The following LUZP1 variants were observed in gnomAD, a reference collection of about 807,000 sequenced individuals.
LUZP1 encodes the protein leucine zipper protein 1, also known as filamin mechanobinding actin cross-linking protein.
In LUZP1, 25 loss-of-function variants were observed where a neutral mutation model predicts 71.3. The observed-to-expected ratio is 0.35, with a 90% CI of 0.26 to 0.49. The LOEUF (loss-of-function observed/expected upper bound fraction) is 0.49, where lower values mean the gene tolerates loss of function less well. Ranked by LOEUF, LUZP1 falls within the 20% of genes least tolerant of loss-of-function variation. The pLI is 0.99. For synonymous variants in LUZP1, 481 were observed against 506.4 expected, an observed-to-expected ratio of 0.95 and a Z score of 0.67; for missense variants, 1,142 against 1,300.8, an observed-to-expected ratio of 0.88 and a Z score of 1.88.
At chr1:23,090,938 T>C (rs1490249377) in intron 4 of LUZP1, 3 of 718,458 alleles carry the variant, frequency 4.2e-6, no homozygotes, top group Non-Finnish European at 7.8e-6. Context: ...TTCCTTTTTA[T>C]GTCACCTTCA....
rs373107739 is a variant in LUZP1 at position 23,100,549 on chromosome 1, C to T, written c.-119-6169G>A. On this transcript the variant is annotated intron_variant, in intron 3 of 4. Transcript: ENST00000302291. ...TCACAGGATGTTCAGCTCTAGTTAT[C>T]GGACCAAATGTTGGAGAAGTAGTAG... Among the ~76,000 whole-genome samples the T allele has an allele frequency of 3.2e-4, 49 of 152,314 alleles. 1 individual carries two copies. In the South Asian group the frequency reaches 8.3e-3, roughly 26 times the overall value.
chr1:23,171,781 C>T (rs908408303), intron 1 of LUZP1, among the ~76,000 whole-genome samples: 7 of 152,192 alleles, frequency 4.6e-5, no homozygotes, highest in African/African-American at 1.4e-4. Flanking sequence ...AAGGAAGGGC[C>T]TTTACTGAGT....
exon 4 of LUZP1, chr1:23,092,810 G>GTGCTGC (rs1487503922): frequency 3.1e-6 from 5 of 1,613,830 alleles, no homozygotes; most frequent in Non-Finnish European, 4.2e-6. Context: ...ACGCTTTACT[G>GTGCTGC]TGCTCCTGAG....
chr1:23,112,750 A>T (rs1292738792), intron 2 of LUZP1, among the ~76,000 whole-genome samples: 1 of 152,212 alleles, frequency 6.6e-6, no homozygotes, highest in Non-Finnish European at 1.5e-5. Context: ...TTCCAATCAA[A>T]AAACAAACCC....
intron 2 of LUZP1, among the ~76,000 whole-genome samples, chr1:23,121,008 C>T (rs2124666457): frequency 6.6e-6 from 1 of 152,296 alleles, no homozygotes; most frequent in Non-Finnish European, 1.5e-5. Flanking sequence ...AAATCAGTTA[C>T]CCAGAGTATT....
intron 3 of LUZP1, among the ~76,000 whole-genome samples, chr1:23,105,213 A>G (rs772378028): frequency 4.6e-5 from 7 of 152,192 alleles, no homozygotes; most frequent in Non-Finnish European, 8.8e-5. Context: ...GCAATGGGGT[A>G]AAAGGGTGGG....
chr1:23,155,142 A>G (rs1049152021), intron 2 of LUZP1, among the ~76,000 whole-genome samples: 1 of 152,218 alleles, frequency 6.6e-6, no homozygotes, highest in African/African-American at 2.4e-5. Context: ...TTCCTGATTT[A>G]AATCTACCAG....
At chr1:23,122,725 C>T (rs1644140235) in intron 2 of LUZP1, among the ~76,000 whole-genome samples, 1 of 152,170 alleles carries the variant, frequency 6.6e-6, no homozygotes, top group African/African-American at 2.4e-5. Flanking sequence ...GTATTTCTGC[C>T]CTGCCAGCAA....
chr1:23,155,351 T>G (rs1644413451), intron 2 of LUZP1, among the ~76,000 whole-genome samples: 1 of 152,230 alleles, frequency 6.6e-6, no homozygotes, highest in African/African-American at 2.4e-5. Context: ...TACAGGGCAG[T>G]ACACAGTTCA....
chr1:23,124,120 A>G (rs1335499514), intron 2 of LUZP1, among the ~76,000 whole-genome samples: 1 of 152,218 alleles, frequency 6.6e-6, no homozygotes, highest in African/African-American at 2.4e-5. Flanking sequence ...TAAAGTTTCA[A>G]TGCAGAATCA....
At chr1:23,102,562 T>C (rs1028199288) in intron 3 of LUZP1, among the ~76,000 whole-genome samples, 1 of 152,246 alleles carries the variant, frequency 6.6e-6, no homozygotes, top group African/African-American at 2.4e-5. Context: ...CTAAGGTTTC[T>C]ATTCCAGCTA....
intron 2 of LUZP1, among the ~76,000 whole-genome samples, chr1:23,149,746 G>A (rs961698896): frequency 2.6e-5 from 4 of 151,994 alleles, no homozygotes; most frequent in African/African-American, 9.7e-5. Context: ...AGCGGATCAC[G>A]AGGTCACGAG....
At chr1:23,125,801 A>G (rs900973676) in intron 2 of LUZP1, among the ~76,000 whole-genome samples, 1 of 152,210 alleles carries the variant, frequency 6.6e-6, no homozygotes, top group African/African-American at 2.4e-5. Context: ...GTCAATTATG[A>G]AAAGTAACGA....
At chr1:23,177,346 T>G (rs762965497) in intron 1 of LUZP1, 1 of 152,330 alleles carries the variant, frequency 6.6e-6, no homozygotes, top group Non-Finnish European at 1.5e-5. Flanking sequence ...GTTCTTGAGG[T>G]GCGGCAAGAA....
chr1:23,110,527 C>T (rs974116454), intron 2 of LUZP1, among the ~76,000 whole-genome samples: 2 of 152,118 alleles, frequency 1.3e-5, no homozygotes, highest in Admixed American at 1.3e-4. Context: ...CACCTTGTGA[C>T]TGCCTTCCAA....
chr1:23,103,749 C>T (rs1643950287), intron 3 of LUZP1, among the ~76,000 whole-genome samples: 1 of 149,748 alleles, frequency 6.7e-6, no homozygotes, highest in East Asian at 2.0e-4. Context: ...TTTTTTATTG[C>T]TGTATTCCCC....
exon 5 of LUZP1, chr1:23,088,967 C>G (rs199692365): frequency 1.2e-6 from 2 of 1,614,200 alleles, no homozygotes; most frequent in East Asian, 4.5e-5. Context: ...ACTCTGGCAG[C>G]CCCTGCTTCC....
intron 1 of LUZP1, among the ~76,000 whole-genome samples, chr1:23,172,757 C>T (rs1027226442): frequency 6.6e-6 from 1 of 151,816 alleles, no homozygotes; most frequent in Non-Finnish European, 1.5e-5. Flanking sequence ...TCAAGCGATC[C>T]TTTAGCTTTG....
chr1:23,083,805 TAAGG>T (rs1032940918), downstream of LUZP1: 16 of 153,482 alleles, frequency 1.0e-4, no homozygotes, highest in African/African-American at 3.1e-4. Context: ...CATGTTTAAA[TAAGG>T]AAGAAGATGT....
Sources: gnomAD v4.1 joint callset for allele counts (sites outside exome capture counted in the v4.1 genomes callset) on GRCh38, gnomAD v4.1.1 for gene constraint, MANE v1.5 for transcripts, NCBI Gene and HGNC (gene_info 2026-07-23, HGNC 2026-07-21) for gene names.